The following PARP1 variants were observed in gnomAD, a reference collection of about 807,000 sequenced individuals.
PARP1 encodes the protein poly(ADP-ribose) polymerase 1.
A neutral mutation model predicts 118.7 loss-of-function variants in PARP1; 44 were observed. The observed-to-expected ratio is 0.37, with a 90% CI of 0.29 to 0.48. The LOEUF is 0.48. Ranked by LOEUF, PARP1 falls within the 20% of genes least tolerant of loss-of-function variation. PARP1 has a pLI of 0.99. For missense variants in PARP1, 1,100 were observed against 1,272.4 expected, an observed-to-expected ratio of 0.86 and a Z score of 2.06; for synonymous variants, 492 against 483.2, an observed-to-expected ratio of 1.02 and a Z score of -0.24.
intron 5 of PARP1, among the ~76,000 whole-genome samples, chr1:226,387,522 C>T (rs578132848): frequency 5.3e-5 from 8 of 152,334 alleles, no homozygotes; most frequent in African/African-American, 9.6e-5. Context: ...CAGGCACACA[C>T]GTCTGCACCT....
At chr1:226,392,048 C>T (rs1233613182) in intron 3 of PARP1, 151 bp downstream of exon 3, 3 of 700,646 alleles carry the variant, frequency 4.3e-6, no homozygotes, top group South Asian at 1.5e-5. Flanking sequence ...ACTGACGTAT[C>T]TGGTCAATAC....
At chr1:226,382,494 C>T (rs1467750210) in intron 8 of PARP1, among the ~76,000 whole-genome samples, 6 of 152,166 alleles carry the variant, frequency 3.9e-5, no homozygotes, top group Admixed American at 2.6e-4. Context: ...CCTCTCCTAG[C>T]CTCCCAGAGT....
chr1:226,364,316 C>G (rs1664207580), intron 19 of PARP1: 1 of 455,762 alleles, frequency 2.2e-6, no homozygotes, highest in Admixed American at 3.1e-5. Flanking sequence ...CTACTTGCCT[C>G]TTTTCTCAAA....
In PARP1 at chr1:226,367,572, C is replaced by T. The variant is rs781122492; in HGVS notation, c.2314G>A (p.Glu772Lys). 5 of 1,614,108 alleles carry T rather than the reference C, an allele frequency of 3.1e-6. No individual in the cohort carries two copies. Among genetic ancestry groups the T allele is most frequent in the Non-Finnish European group, 4.2e-6 (5 of 1,180,008 alleles). Residue 772 changes from glutamate (E) to lysine (K), a missense_variant, in exon 17 of 23, where the codon GAG (glutamate) becomes AAG (lysine). By Grantham distance (56) the Glu-to-Lys change is moderately conservative. This residue lies in a region of PARP1 where 948 missense variants were observed against 1,031.8 expected (regional missense o/e 0.92). Coordinates refer to ENST00000366794, the MANE Select transcript of PARP1 (RefSeq NM_001618.4). ...VEMLDNLLDIEVAYSLLRGGS... is the reference protein window; with the variant it reads ...VEMLDNLLDIKVAYSLLRGGS... Reference sequence around the variant, plus strand: ...CCCCTGAGCAGACTGTAGGCCACCTCGATGTCCAGCAGGTTGTCAAGCATT... The same window carrying T: ...CCCCTGAGCAGACTGTAGGCCACCTTGATGTCCAGCAGGTTGTCAAGCATT...
At chr1:226,362,293 C>T (rs772522007) in intron 21 of PARP1, 2 of 520,382 alleles carry the variant, frequency 3.8e-6, no homozygotes, top group Non-Finnish European at 6.9e-6. Context: ...TCAAGCAATT[C>T]TCGTGCCTCA....
At chr1:226,389,803 C>A (rs1664788637) in intron 4 of PARP1, among the ~76,000 whole-genome samples, 1 of 152,110 alleles carries the variant, frequency 6.6e-6, no homozygotes, top group African/African-American at 2.4e-5. Context: ...GCCACACCAC[C>A]CCTGGTGTGC....
At chr1:226,405,692 T>C (rs954331290) in intron 1 of PARP1, among the ~76,000 whole-genome samples, 1 of 152,166 alleles carries the variant, frequency 6.6e-6, no homozygotes, top group Non-Finnish European at 1.5e-5. Flanking sequence ...CACAGCGGTG[T>C]TGTTCTAGCC....
rs775168450 is a variant in PARP1, at chr1:226,385,552, A to C, written c.963T>G (p.Cys321Trp). The change falls in exon 7 of 23, where the codon TGT becomes TGG. Residue 321 changes from cysteine (C) to tryptophan (W), a missense_variant. Physicochemically the swap from Cys to Trp is radical, Grantham distance 215. Around this residue, in one of 2 missense-constraint regions of PARP1, gnomAD observed 948 missense variants for 1,031.8 expected, o/e 0.92. Transcript: ENST00000366794. ...GGTTGGGTGTCTGTGTCTTGACCATACACTTGGTCCAGGCAGTGACGTCCC... is the reference window on the plus strand; with the variant it reads ...GGTTGGGTGTCTGTGTCTTGACCATCCACTTGGTCCAGGCAGTGACGTCCC... The part of the protein sequence containing the change: ...CTGDVTAWTK[C>W]MVKTQTPNRK... The C allele has an allele frequency of 6.2e-7, 1 of 1,613,866 alleles. No homozygotes were observed. Among genetic ancestry groups the C allele is most frequent in the Non-Finnish European group, 8.5e-7 (1 of 1,179,988 alleles).
chr1:226,392,854 T>C, intron 2 of PARP1: 1 of 1,422,634 alleles, frequency 7.0e-7, no homozygotes. Flanking sequence ...GCTAGCCATT[T>C]GGGACAAAAA....
At chr1:226,392,658 T>C (rs1421584866) in intron 2 of PARP1, 1 of 537,674 alleles carries the variant, frequency 1.9e-6, no homozygotes, top group Non-Finnish European at 3.3e-6. Context: ...CCTGGAAGCA[T>C]ACTGACGTCT....
rs920832776 is a variant in PARP1, at chr1:226,368,233, T to C, written c.2243A>G (p.Lys748Arg). ...TLIPHDFGMK[K>R]PPLLNNADSV... is the part of the protein sequence containing the mutation. ...GTCTGCATTGTTCAGGAGCGGAGGC[T>C]TCTTCATCCCAAAGTCGTGGGGGAT... Residue 748 changes from lysine (K) to arginine (R), a missense_variant, in exon 16 of 23, where the codon AAG becomes AGG. Physicochemically the swap from Lys to Arg is conservative, Grantham distance 26. Coordinates refer to ENST00000366794, the MANE Select transcript of PARP1 (RefSeq NM_001618.4). 4.3e-6 allele frequency: 7 copies of C among 1,614,096 alleles called. No homozygotes were observed. The African/African-American group carries it at 9.3e-5, about 22-fold the overall frequency.
In PARP1 at chr1:226,360,810, G is replaced by T; in HGVS notation, c.*650C>A. 4.4e-6 allele frequency: 1 copy of T among 228,238 alleles called. No individual in the cohort carries two copies. 14.1% of individuals were successfully genotyped at this position (228,238 alleles called of 1,614,324 possible). A position where few individuals can be genotyped will look rare whatever the true frequency, so the allele number is the denominator to read the frequency against. ...CATAAGAAAGTCAAGAATTTCAAATGCAACTTTTAATACTACATATTTCAA... is the reference window on the plus strand; with the variant it reads ...CATAAGAAAGTCAAGAATTTCAAATTCAACTTTTAATACTACATATTTCAA... On this transcript the variant is annotated 3_prime_UTR_variant, in exon 23 of 23. Transcript: ENST00000366794.
chr1:226,401,684 T>C (rs1302869353), intron 2 of PARP1, among the ~76,000 whole-genome samples: 1 of 152,190 alleles, frequency 6.6e-6, no homozygotes, highest in African/African-American at 2.4e-5. Context: ...TCTTCCTTAA[T>C]CTTAAGGGGG....
intron 12 of PARP1, among the ~76,000 whole-genome samples, chr1:226,378,883 AC>A (rs1259321886): frequency 3.3e-5 from 5 of 152,280 alleles, no homozygotes; most frequent in African/African-American, 1.2e-4. Context: ...AAAACACCAA[AC>A]AAAAAGAAAA....
chr1:226,369,033 T>TCA (rs995725293), intron 15 of PARP1, among the ~76,000 whole-genome samples: 3 of 152,220 alleles, frequency 2.0e-5, no homozygotes, highest in Admixed American at 6.5e-5. Context: ...GACATGGACT[T>TCA]CACCAAGTTG....
In PARP1 at chr1:226,361,100, T is replaced by G. The variant is rs1424991371; in HGVS notation, c.*360A>C. On this transcript the variant is annotated 3_prime_UTR_variant, in exon 23 of 23. Coordinates refer to ENST00000366794, the MANE Select transcript of PARP1 (RefSeq NM_001618.4). ...GAACACTTAGAAAAAAGGGTGGAAG[T>G]GTATTTTTCCTTCCCTGGGGAAACC... 1 of 294,434 alleles carries G rather than the reference T, an allele frequency of 3.4e-6. No individual in the cohort carries two copies. The allele number at this position is 294,434 out of a possible 1,614,324, so 18.2% of individuals were successfully genotyped here. A position where few individuals can be genotyped will look rare whatever the true frequency, so the allele number is the denominator to read the frequency against.
At position 226,390,532 on chromosome 1, in the gene PARP1, C is replaced by G. The variant is rs1368616500; in HGVS notation, c.495G>C (p.Lys165Asn). ...DRWYHPGCFV[K>N]NREELGFRPE... ...GCCGGAAACCCAGCTCCTCCCTGTT[C>G]TTGACAAAGCAGCCTGGATGGTACC... The change falls in exon 4 of 23, where the codon AAG becomes AAC. Residue 165 changes from lysine to asparagine, a missense_variant. Lys to Asn is a moderately conservative substitution (Grantham distance 94). This residue lies in a region of PARP1 where 948 missense variants were observed against 1,031.8 expected (regional missense o/e 0.92). Transcript: ENST00000366794. The G allele has an allele frequency of 3.7e-6, 6 of 1,614,084 alleles. No individual in the cohort carries two copies. In the African/African-American group the frequency reaches 8.0e-5, roughly 22 times the overall value.
chr1:226,367,278 T>C (rs1664289312), intron 17 of PARP1: 6 of 626,046 alleles, frequency 9.6e-6, no homozygotes, highest in Non-Finnish European at 1.7e-5. Context: ...ACAAGGTGCA[T>C]TATCTACACG....
At chr1:226,376,681 T>C (rs1214268651) in intron 13 of PARP1, among the ~76,000 whole-genome samples, 1 of 152,260 alleles carries the variant, frequency 6.6e-6, no homozygotes, top group African/African-American at 2.4e-5. Flanking sequence ...GAGATGATCA[T>C]GTGGTTTTTG....
Sources: gnomAD v4.1 joint callset for allele counts (sites outside exome capture counted in the v4.1 genomes callset) on GRCh38, gnomAD v4.1.1 for gene constraint, gnomAD v4.1.1 regional missense constraint, MANE v1.5 for transcripts, NCBI Gene and HGNC (gene_info 2026-07-23, HGNC 2026-07-21) for gene names.